The following ICOS variants were observed in gnomAD, a reference collection of about 807,000 sequenced individuals.
ICOS encodes the protein inducible T cell costimulator.
Under a neutral mutation model 24.6 loss-of-function variants are expected in ICOS, and 15 were observed. The ratio of observed to expected loss-of-function variants is 0.61; its 90% CI spans 0.41 to 0.94. The LOEUF is 0.94. Among genes scored for constraint, ICOS ranks in the 40% least tolerant of loss-of-function variants. The pLI is 0.00. For missense variants in ICOS, 200 were observed against 233.0 expected (o/e 0.86, Z 0.92); for synonymous variants, 89 against 77.5 (o/e 1.15, Z -0.78).
At chr2:203,943,115 G>A (rs7583090) in intron 1 of ICOS, among the ~76,000 whole-genome samples, 98,250 of 151,990 alleles carry the variant, frequency 0.65, 34,418 homozygotes, top group Non-Finnish European at 0.78. Context: ...GTCCCTCCCC[G>A]ATTAGCTTAA....
In ICOS at chr2:203,960,587, T is replaced by C. The variant is rs561912436; in HGVS notation, c.*988T>C. On this transcript the variant is annotated 3_prime_UTR_variant, in exon 5 of 5. Transcript: ENST00000316386. ...GTTCTTTTTGTAGATCATATTAAAA[T>C]TGCAAACAAAATCATCTTTAATGGG... 1 of 152,344 alleles carries C rather than the reference T, an allele frequency of 6.6e-6. No homozygotes were observed. The highest frequency in any genetic ancestry group is 1.5e-5 in the Non-Finnish European group (1 of 68,042). The allele number at this position is 152,344 out of a possible 1,614,324, so 9.4% of individuals were successfully genotyped here. A position where few individuals can be genotyped will look rare whatever the true frequency, so the allele number is the denominator to read the frequency against.
intron 2 of ICOS, among the ~76,000 whole-genome samples, 200 bp downstream of exon 2, chr2:203,956,171 A>G (rs1195482201): frequency 6.6e-6 from 1 of 152,206 alleles, no homozygotes; most frequent in African/African-American, 2.4e-5. Flanking sequence ...AGCAATATGC[A>G]ATGTAATCCC....
At chr2:203,937,939 C>T (rs772519229) in intron 1 of ICOS, among the ~76,000 whole-genome samples, 14 of 152,128 alleles carry the variant, frequency 9.2e-5, no homozygotes, top group African/African-American at 2.7e-4. Flanking sequence ...AGTCCTTTAG[C>T]GGCATGAATG....
Position 203,955,948 on chromosome 2 carries a change from C to T in ICOS, c.371C>T (p.Thr124Ile), listed in dbSNP as rs768221326. The change falls in exon 2 of 5, where the codon ACA becomes ATA. Residue 124 changes from threonine (T) to isoleucine (I), a missense_variant. Physicochemically the swap from Thr to Ile is moderately conservative, Grantham distance 89. Coordinates refer to ENST00000316386, the MANE Select transcript of ICOS (RefSeq NM_012092.4). Reference sequence around the variant, plus strand: ...CCTCCTCCTTTTAAAGTAACTCTTACAGGAGGATATTTGCATATTTATGGT... The same window carrying T: ...CCTCCTCCTTTTAAAGTAACTCTTATAGGAGGATATTTGCATATTTATGGT... Reference protein sequence around the residue: ...FDPPPFKVTLTGGYLHIYESQ... With the variant: ...FDPPPFKVTLIGGYLHIYESQ... 3 of 1,609,568 alleles carry T rather than the reference C, an allele frequency of 1.9e-6. No individual in the cohort carries two copies. Among genetic ancestry groups the T allele is most frequent in the Non-Finnish European group, 2.6e-6 (3 of 1,176,440 alleles).
At chr2:203,942,502 G>T (rs996747516) in intron 1 of ICOS, among the ~76,000 whole-genome samples, 5 of 152,210 alleles carry the variant, frequency 3.3e-5, no homozygotes, top group African/African-American at 1.2e-4. Flanking sequence ...GAATGAAAAT[G>T]TCTAGGGAAA....
chr2:203,956,610 T>C (rs1406997473), intron 2 of ICOS, 49 bp from the exon 3 acceptor site: 1 of 1,254,814 alleles, frequency 8.0e-7, no homozygotes, highest in African/African-American at 1.5e-5. Context: ...GTAAGAGAAC[T>C]TGTGGTTCAG....
At chr2:203,945,382 G>T (rs1043158511) in intron 1 of ICOS, among the ~76,000 whole-genome samples, 2 of 152,170 alleles carry the variant, frequency 1.3e-5, no homozygotes, top group African/African-American at 4.8e-5. Context: ...AGACTCTGAG[G>T]TTCCTAGGGT....
chr2:203,951,932 G>A (rs535601590), intron 1 of ICOS, among the ~76,000 whole-genome samples: 18 of 151,422 alleles, frequency 1.2e-4, no homozygotes, highest in Non-Finnish European at 2.4e-4. Context: ...CATGCCAACA[G>A]TTTTTTTTTC....
chr2:203,944,618 T>C (rs1192827495), intron 1 of ICOS, among the ~76,000 whole-genome samples: 1 of 152,234 alleles, frequency 6.6e-6, no homozygotes, highest in Non-Finnish European at 1.5e-5. Flanking sequence ...TATTAATTCT[T>C]TTATTTAATA....
At chr2:203,952,697 G>C (rs573332931) in intron 1 of ICOS, among the ~76,000 whole-genome samples, 1 of 152,008 alleles carries the variant, frequency 6.6e-6, no homozygotes, top group African/African-American at 2.4e-5. Flanking sequence ...GCCGATTCTT[G>C]TAGGTTCTTT....
chr2:203,954,899 A>G (rs58243113), intron 1 of ICOS, among the ~76,000 whole-genome samples: 8,329 of 149,288 alleles, frequency 0.056, 737 homozygotes, highest in African/African-American at 0.19. Context: ...ATACATATAT[A>G]AAATATATAT....
At position 203,954,143 on chromosome 2, in the gene ICOS, G is replaced by A. The variant is rs531334921; in HGVS notation, c.59-1493G>A. ...AAGGAAAATAAAACAAAAAGAAAGA[G>A]AAGGCAATGAGCAGTTTGAATTTAT... On this transcript the variant is annotated intron_variant, in intron 1 of 4. Coordinates refer to ENST00000316386, the MANE Select transcript of ICOS (RefSeq NM_012092.4). Among the ~76,000 whole-genome samples the A allele has an allele frequency of 7.2e-5, 11 of 152,280 alleles. No homozygotes were observed. In the South Asian group the frequency reaches 2.3e-3, roughly 32 times the overall value.
chr2:203,951,231 T>C (rs746441148), intron 1 of ICOS, among the ~76,000 whole-genome samples: 1 of 152,184 alleles, frequency 6.6e-6, no homozygotes. Context: ...TTTAATTTAT[T>C]CTGACTTTCT....
chr2:203,939,387 A>C (rs1559031791), intron 1 of ICOS, among the ~76,000 whole-genome samples: 1 of 152,130 alleles, frequency 6.6e-6, no homozygotes, highest in Non-Finnish European at 1.5e-5. Flanking sequence ...TTTTTTAATG[A>C]ACTTGGAGCA....
rs1288030843 is a variant in ICOS, at chr2:203,948,578, G to A, written c.59-7058G>A. ...AGGTATTATTGTAGATACTTGGGAT[G>A]GATTTGTGAATAAGACCAACAAGGT... On this transcript the variant is annotated intron_variant, in intron 1 of 4. Transcript: ENST00000316386. Among the ~76,000 whole-genome samples, 3 of 152,160 alleles carry A rather than the reference G, an allele frequency of 2.0e-5. No homozygotes were observed. The East Asian group carries it at 5.8e-4, about 29-fold the overall frequency.
intron 1 of ICOS, among the ~76,000 whole-genome samples, chr2:203,937,957 C>T (rs536753193): frequency 3.2e-4 from 48 of 152,286 alleles, no homozygotes; most frequent in South Asian, 3.1e-3. Flanking sequence ...ATGACATGAG[C>T]AGCTTTGGAA....
rs376292207 is a variant in ICOS, at chr2:203,947,543, G to A, written c.59-8093G>A. Among the ~76,000 whole-genome samples the A allele has an allele frequency of 2.4e-4, 36 of 152,170 alleles. 1 individual carries two copies. The South Asian group carries it at 6.6e-3, about 28-fold the overall frequency. The stretch of plus-strand genomic sequence containing the variant: ...AGGATGGTCTCAATCTCTTGACCTC[G>A]TGATCCTCCTGCCTCGGCCTCCCAA... On this transcript the variant is annotated intron_variant, in intron 1 of 4. Transcript: ENST00000316386.
rs540914366 is a variant in ICOS, at chr2:203,958,982, C to T, written c.587-604C>T. Among the ~76,000 whole-genome samples the T allele has an allele frequency of 5.8e-4, 88 of 152,160 alleles. 1 individual carries two copies. Among genetic ancestry groups the T allele is most frequent in the African/African-American group, 2.0e-3 (83 of 41,502 alleles). On this transcript the variant is annotated intron_variant, in intron 4 of 4. Transcript: ENST00000316386. ...TGAGGGGGCAGGGAGAGTGAGACAG[C>T]CAACAAGGAGAAGCAAATGAAGGGC...
At position 203,940,262 on chromosome 2, in the gene ICOS, G is replaced by A. The variant is rs569953920; in HGVS notation, c.58+3390G>A. On this transcript the variant is annotated intron_variant, in intron 1 of 4. Coordinates refer to ENST00000316386, the MANE Select transcript of ICOS (RefSeq NM_012092.4). ...CCAGACAGTGCACCCTGCTCCATAC[G>A]TGGGTTTTGTGGAAATAATTTAAAA... Among the ~76,000 whole-genome samples the A allele has an allele frequency of 3.3e-5, 5 of 152,258 alleles. No homozygotes were observed. The East Asian group carries it at 9.7e-4, about 29-fold the overall frequency.
Sources: allele counts gnomAD v4.1 joint callset (sites outside exome capture counted in the v4.1 genomes callset), GRCh38; gene constraint gnomAD v4.1.1; transcripts MANE v1.5; gene names NCBI Gene and HGNC (gene_info 2026-07-23, HGNC 2026-07-21).